The following SULT1C2 variants were observed in gnomAD, a reference collection of about 807,000 sequenced individuals.
SULT1C2 encodes the protein sulfotransferase family 1C member 2.
SULT1C2 carries 27 observed loss-of-function variants against 36.0 expected under a neutral mutation model. That is an observed-to-expected ratio of 0.75 (90% CI 0.55 to 1.03). SULT1C2 has a LOEUF of 1.03. Among genes scored for constraint, SULT1C2 ranks in the 50% least tolerant of loss-of-function variants. The pLI, the probability that SULT1C2 is intolerant of heterozygous loss-of-function variation, is 0.00. For missense variants in SULT1C2, 395 were observed against 359.2 expected, an observed-to-expected ratio of 1.10 and a Z score of -0.80; for synonymous variants, 121 against 116.0, an observed-to-expected ratio of 1.04 and a Z score of -0.27.
At chr2:108,290,038 C>T (rs565311748) in intron 1 of SULT1C2, among the ~76,000 whole-genome samples, 5 of 152,286 alleles carry the variant, frequency 3.3e-5, no homozygotes, top group Admixed American at 6.5e-5. Context: ...GCCCAGAGCA[C>T]AACGCCTACC....
intron 3 of SULT1C2, among the ~76,000 whole-genome samples, chr2:108,296,635 T>A (rs1558678119): frequency 1.3e-5 from 2 of 152,202 alleles, no homozygotes; most frequent in Admixed American, 1.3e-4. Context: ...GTATTTTTAG[T>A]ACAGTCAGGG....
intron 4 of SULT1C2, 154 bp downstream of exon 4, chr2:108,301,089 C>G (rs1676858391): frequency 1.1e-6 from 1 of 940,680 alleles, no homozygotes; most frequent in Non-Finnish European, 1.6e-6. Flanking sequence ...CTACATTCAG[C>G]AGGACATTCA....
chr2:108,306,242 G>T (rs775405773), intron 7 of SULT1C2, among the ~76,000 whole-genome samples: 5 of 152,110 alleles, frequency 3.3e-5, no homozygotes, highest in Non-Finnish European at 5.9e-5. Flanking sequence ...ATTCTAACTG[G>T]CCCATCTAAT....
intron 4 of SULT1C2, chr2:108,303,314 A>C (rs1676937857): frequency 6.5e-6 from 1 of 152,818 alleles, no homozygotes; most frequent in Non-Finnish European, 1.5e-5. Flanking sequence ...CATGTCACAC[A>C]GAGCCTCACA....
intron 3 of SULT1C2, among the ~76,000 whole-genome samples, chr2:108,296,866 T>G (rs1305782820): frequency 6.6e-6 from 1 of 152,190 alleles, no homozygotes; most frequent in Non-Finnish European, 1.5e-5. Flanking sequence ...CAACCACCCT[T>G]GGAGCATTCT....
intron 4 of SULT1C2, chr2:108,303,057 A>G (rs1417955871): frequency 6.6e-6 from 1 of 152,264 alleles, no homozygotes; most frequent in African/African-American, 2.4e-5. Flanking sequence ...TTTTTAAATC[A>G]GCATTTCTTA....
chr2:108,303,486 G>A (rs1012726506), intron 4 of SULT1C2: 3 of 152,302 alleles, frequency 2.0e-5, no homozygotes, highest in African/African-American at 7.2e-5. Context: ...CAGGGGCTTG[G>A]CCTAGTGGTC....
Position 108,289,972 on chromosome 2 carries a change from G to C in SULT1C2, c.-22+902G>C, listed in dbSNP as rs3769777. On this transcript the variant is annotated intron_variant, in intron 1 of 7. Coordinates refer to ENST00000251481, the MANE Select transcript of SULT1C2 (RefSeq NM_001056.4). ...ACCGCCCTGGTCCTCAGCAGCAGCA[G>C]GTGCCCTTCCACACATGTTCACAGC... 7.5e-3 allele frequency among the ~76,000 whole-genome samples: 1,147 copies of C among 152,310 alleles called. 28 individuals carry two copies. The East Asian group carries it at 0.092, about 12-fold the overall frequency.
At position 108,302,499 on chromosome 2, in the gene SULT1C2, T is replaced by G. The variant is rs561193530; in HGVS notation, c.375+1564T>G. On this transcript the variant is annotated intron_variant, in intron 4 of 7. Coordinates refer to ENST00000251481, the MANE Select transcript of SULT1C2 (RefSeq NM_001056.4). ...TCCACAAGGTGGTCCCCACAGCCAGTGTTCCCAGGTCCGCTCTGGAGGGAC... is the reference window on the plus strand; with the variant it reads ...TCCACAAGGTGGTCCCCACAGCCAGGGTTCCCAGGTCCGCTCTGGAGGGAC... 6 of 152,318 alleles carry G rather than the reference T, an allele frequency of 3.9e-5. No individual in the cohort carries two copies. The East Asian group carries it at 5.8e-4, about 15-fold the overall frequency. The allele number at this position is 152,318 out of a possible 1,614,324, so 9.4% of individuals were successfully genotyped here. A position where few individuals can be genotyped will look rare whatever the true frequency, so the allele number is the denominator to read the frequency against.
At chr2:108,305,347 C>G in intron 6 of SULT1C2, 68 bp from the exon 7 acceptor site, 2 of 1,609,102 alleles carry the variant, frequency 1.2e-6, no homozygotes, top group East Asian at 4.5e-5. Flanking sequence ...CAAAGGACAT[C>G]CCAGAGAATT....
At position 108,302,250 on chromosome 2, in the gene SULT1C2, T is replaced by C. The variant is rs1676902137; in HGVS notation, c.375+1315T>C. On this transcript the variant is annotated intron_variant, in intron 4 of 7. Transcript: ENST00000251481. The stretch of plus-strand genomic sequence containing the variant: ...TGCACAGGGACAGGGTCAAAGCCCA[T>C]GGCACAAGGAACCAGAAGAATGAGG... 2.0e-5 allele frequency: 3 copies of C among 152,078 alleles called. No individual in the cohort carries two copies. The South Asian group carries it at 6.2e-4, about 32-fold the overall frequency. 9.4% of individuals were successfully genotyped at this position (152,078 alleles called of 1,614,324 possible).
At chr2:108,303,942 T>G (rs1467050208) in intron 4 of SULT1C2, 1 of 152,202 alleles carries the variant, frequency 6.6e-6, no homozygotes, top group Non-Finnish European at 1.5e-5. Flanking sequence ...AGATCTGAGA[T>G]GCATAGTCAA....
intron 1 of SULT1C2, among the ~76,000 whole-genome samples, chr2:108,292,501 T>C (rs1265429660): frequency 6.6e-6 from 1 of 150,916 alleles, no homozygotes; most frequent in Non-Finnish European, 1.5e-5. Flanking sequence ...CATGAGAAGA[T>C]GCTCAACATC....
In SULT1C2 at chr2:108,305,580, T is replaced by G. The variant is rs17036104; in HGVS notation, c.763T>G (p.Ser255Ala). The G allele has an allele frequency of 0.052, 84,507 of 1,614,124 alleles. 2,473 individuals carry two copies. The highest frequency in any genetic ancestry group is 0.088 in the East Asian group (3,955 of 44,886). Residue 255 changes from serine to alanine, a missense_variant, in exon 7 of 8, where the codon TCC becomes GCC. Ser to Ala is a moderately conservative substitution (Grantham distance 99). Coordinates refer to ENST00000251481, the MANE Select transcript of SULT1C2 (RefSeq NM_001056.4). Reference protein sequence around the residue: ...SKSILDQSISSFMRKGTVGDW... With the variant: ...SKSILDQSISAFMRKGTVGDW... ...ATCTATCTTGGACCAGTCAATTTCC[T>G]CCTTCATGAGAAAAGGTGTGTGGGG...
rs377370825 is a variant in SULT1C2, at chr2:108,293,704, C to G, written c.37C>G (p.Leu13Val). Residue 13 changes from leucine (L) to valine (V), a missense_variant, in exon 2 of 8, where the codon CTG becomes GTG. Coordinates refer to ENST00000251481, the MANE Select transcript of SULT1C2 (RefSeq NM_001056.4). The part of the protein sequence containing the change: ...LTSDLGKQIK[L>V]KEVEGTLLQP... ...CTCAGACCTGGGGAAACAGATAAAA[C>G]TGAAAGAGGTGGAGGGGACCCTCCT... The G allele has an allele frequency of 1.2e-6, 2 of 1,613,926 alleles. No homozygotes were observed. The highest frequency in any genetic ancestry group is 2.7e-5 in the African/African-American group (2 of 74,904).
chr2:108,300,156 A>C (rs139808858), intron 3 of SULT1C2: 1 of 152,348 alleles, frequency 6.6e-6, no homozygotes, highest in African/African-American at 2.4e-5. Flanking sequence ...AGGCAGGTGG[A>C]TCACGAGGTC....
intron 3 of SULT1C2, among the ~76,000 whole-genome samples, chr2:108,296,606 C>A (rs1319179738): frequency 6.6e-6 from 1 of 152,206 alleles, no homozygotes; most frequent in Non-Finnish European, 1.5e-5. Flanking sequence ...CACCTGCCAG[C>A]ACGCCCAGCA....
intron 4 of SULT1C2, 22 bp from the exon 5 acceptor site, chr2:108,304,552 C>A (rs747219878): frequency 1.3e-6 from 2 of 1,582,652 alleles, no homozygotes; most frequent in Admixed American, 1.9e-5. Context: ...ATCTTTTACC[C>A]ACCTCTTTTC....
At chr2:108,291,959 T>C (rs1676604398) in intron 1 of SULT1C2, among the ~76,000 whole-genome samples, 1 of 152,186 alleles carries the variant, frequency 6.6e-6, no homozygotes, top group Non-Finnish European at 1.5e-5. Context: ...TTGTCTTTCG[T>C]TTTCCAAAAA....
Sources: gnomAD v4.1 joint callset for allele counts (sites outside exome capture counted in the v4.1 genomes callset) on GRCh38, gnomAD v4.1.1 for gene constraint, MANE v1.5 for transcripts, NCBI Gene and HGNC (gene_info 2026-07-23, HGNC 2026-07-21) for gene names.